The following ASIC2 variants were observed in gnomAD, a reference collection of about 807,000 sequenced individuals.
ASIC2 encodes acid-sensing ion channel 2.
ASIC2 carries 25 observed loss-of-function variants against 57.3 expected under a neutral mutation model. That is an observed-to-expected ratio of 0.44 (90% CI 0.32 to 0.61). ASIC2 has a LOEUF of 0.61. ASIC2 is among the 20% of genes least tolerant of loss of function. The probability of loss-of-function intolerance (pLI) is 0.06; values close to 1 mark genes in which losing one functional copy is unlikely to be tolerated. For missense variants in ASIC2, 641 were observed against 738.1 expected (o/e 0.87, Z 1.52); for synonymous variants, 319 against 307.5 (o/e 1.04, Z -0.39).
intron 5 of ASIC2, among the ~76,000 whole-genome samples, chr17:33,024,749 C>A: frequency 6.6e-6 from 1 of 152,156 alleles, no homozygotes; most frequent in East Asian, 1.9e-4. Flanking sequence ...TATCTGATCA[C>A]CCTGGCCTGC....
chr17:33,166,748 C>T (rs574121981), intron 1 of ASIC2, among the ~76,000 whole-genome samples: 6 of 152,324 alleles, frequency 3.9e-5, no homozygotes, highest in South Asian at 4.1e-4. Context: ...AACAGAATCC[C>T]GCTCCCACTG....
intron 1 of ASIC2, chr17:34,038,004 G>T: frequency 6.2e-7 from 1 of 1,613,470 alleles, no homozygotes; most frequent in South Asian, 1.1e-5. Context: ...AAACACTCTG[G>T]TGGTAAATAC....
rs376381877 is a variant in ASIC2 at position 33,014,525 on chromosome 17, C to A, written c.1591-459G>T. ...AAGGCCTTAGAGCTCAGAGCCAGAG[C>A]TGGTCAGAGCTGCCCCAAGGACTTT... On this transcript the variant is annotated intron_variant, in intron 9 of 9. Transcript: ENST00000225823. Among the ~76,000 whole-genome samples, 22 of 152,128 alleles carry A rather than the reference C, an allele frequency of 1.4e-4. 1 individual carries two copies. In the South Asian group the frequency reaches 4.4e-3, roughly 30 times the overall value.
At chr17:33,928,674 G>A (rs879534987) in intron 1 of ASIC2, among the ~76,000 whole-genome samples, 20 of 152,250 alleles carry the variant, frequency 1.3e-4, no homozygotes, top group Middle Eastern at 3.4e-3. Context: ...ACATGGGGGT[G>A]AGCTGGGCAA....
At chr17:33,836,497 T>C (rs960270937) in intron 1 of ASIC2, among the ~76,000 whole-genome samples, 8 of 152,072 alleles carry the variant, frequency 5.3e-5, no homozygotes, top group African/African-American at 1.7e-4. Context: ...TTCATAAAGC[T>C]TTAAGAGGCA....
At chr17:33,156,415 T>C (rs1177128920) in intron 1 of ASIC2, among the ~76,000 whole-genome samples, 2 of 151,752 alleles carry the variant, frequency 1.3e-5, no homozygotes, top group Non-Finnish European at 2.9e-5. Flanking sequence ...TGAGTCACCA[T>C]GCCTGGCTTA....
rs113967336 is a variant in ASIC2, at chr17:33,098,208, A to T, written c.860-9218T>A. Among the ~76,000 whole-genome samples the T allele has an allele frequency of 5.5e-4, 84 of 152,300 alleles. 1 individual carries two copies. Among genetic ancestry groups the T allele is most frequent in the African/African-American group, 1.9e-3 (79 of 41,560 alleles). ...CTGCATCTCATTTTAATCTCCTGCA[A>T]AATAGATGAAAAAAAATAGATGTGG... On this transcript the variant is annotated intron_variant, in intron 2 of 9. Coordinates refer to ENST00000225823, the MANE Select transcript of ASIC2 (RefSeq NM_183377.2).
intron 1 of ASIC2, among the ~76,000 whole-genome samples, chr17:33,656,693 C>T (rs186292480): frequency 6.6e-6 from 1 of 152,272 alleles, no homozygotes; most frequent in African/African-American, 2.4e-5. Context: ...GTCTTGTGTT[C>T]CCCCTCTGTG....
intron 1 of ASIC2, among the ~76,000 whole-genome samples, chr17:33,667,623 T>C (rs1369505095): frequency 6.6e-6 from 1 of 152,214 alleles, no homozygotes; most frequent in Admixed American, 6.5e-5. Flanking sequence ...TTAACCTTTA[T>C]GAAAACCTGT....
At chr17:33,362,136 G>A (rs1452893924) in intron 1 of ASIC2, among the ~76,000 whole-genome samples, 2 of 152,124 alleles carry the variant, frequency 1.3e-5, no homozygotes, top group East Asian at 3.9e-4. Context: ...GCTCTGTGTG[G>A]GAAGCAAGAG....
rs78734908 is a variant in ASIC2 at position 33,856,875 on chromosome 17, C to G, written c.555+299103G>C. 1.4e-3 allele frequency among the ~76,000 whole-genome samples: 217 copies of G among 152,068 alleles called. 3 individuals are homozygous for G. In the East Asian group the frequency reaches 0.026, roughly 18 times the overall value. ...GGGTAGCTAGAAGGTGAGGCTGAAACGGTGGCCAGGGGCCGGGTCTGAAAG... is the reference window on the plus strand; with the variant it reads ...GGGTAGCTAGAAGGTGAGGCTGAAAGGGTGGCCAGGGGCCGGGTCTGAAAG... On this transcript the variant is annotated intron_variant, in intron 1 of 9. Coordinates refer to the ASIC2 transcript ENST00000359872.
intron 1 of ASIC2, among the ~76,000 whole-genome samples, chr17:33,825,176 T>C (rs535938612): frequency 2.6e-5 from 4 of 152,296 alleles, no homozygotes; most frequent in Non-Finnish European, 5.9e-5. Flanking sequence ...ATACCTTGCC[T>C]CCTTCCCTCT....
At chr17:33,315,749 G>A (rs8080646) in intron 1 of ASIC2, among the ~76,000 whole-genome samples, 37,697 of 152,172 alleles carry the variant, frequency 0.25, 5,403 homozygotes, top group Middle Eastern at 0.37. Context: ...AGGGAATGAT[G>A]TCTTCCACAA....
chr17:33,325,756 G>A (rs1597684000), intron 1 of ASIC2, among the ~76,000 whole-genome samples: 1 of 152,138 alleles, frequency 6.6e-6, no homozygotes, highest in Non-Finnish European at 1.5e-5. Context: ...AAAGGATGTG[G>A]TGGAGTGGAT....
At chr17:33,297,863 T>A (rs1387917665), upstream of ASIC2, among the ~76,000 whole-genome samples, 1 of 142,878 alleles carries the variant, frequency 7.0e-6, no homozygotes, top group East Asian at 2.0e-4. Flanking sequence ...AATAAATAAA[T>A]AAATAATAAA....
chr17:33,102,987 G>A (rs1379500331), intron 2 of ASIC2, among the ~76,000 whole-genome samples: 1 of 152,134 alleles, frequency 6.6e-6, no homozygotes, highest in Non-Finnish European at 1.5e-5. Context: ...GTTTCACCAT[G>A]TTCGCCAGGA....
At chr17:33,888,098 G>T (rs1914873251) in intron 1 of ASIC2, among the ~76,000 whole-genome samples, 1 of 152,098 alleles carries the variant, frequency 6.6e-6, no homozygotes, top group Admixed American at 6.6e-5. Flanking sequence ...CAATATTTTT[G>T]ACTTATGATG....
At chr17:33,171,910 C>A (rs1219742293) in intron 1 of ASIC2, among the ~76,000 whole-genome samples, 4 of 152,216 alleles carry the variant, frequency 2.6e-5, no homozygotes, top group Admixed American at 2.0e-4. Flanking sequence ...GCCCTGCTAG[C>A]CCAGTTAAAT....
chr17:33,489,077 C>A (rs1440013730), intron 1 of ASIC2, among the ~76,000 whole-genome samples: 3 of 152,194 alleles, frequency 2.0e-5, no homozygotes, highest in Non-Finnish European at 4.4e-5. Context: ...ACATACCATT[C>A]CTGATGGTCC....
Sources: allele counts gnomAD v4.1 joint callset (sites outside exome capture counted in the v4.1 genomes callset), GRCh38; gene constraint gnomAD v4.1.1; transcripts MANE v1.5; gene names NCBI Gene and HGNC (gene_info 2026-07-23, HGNC 2026-07-21).